HEMK2: variants seen among roughly 807,000 people sequenced by gnomAD.
HEMK2 encodes HemK methyltransferase 2, ETF1 glutamine and histone H4 lysine, also known as methyltransferase HEMK2.
At chr21:28,771,188 T>C in the HEMK2 span, among the ~76,000 whole-genome samples, 1 of 152,178 alleles carries the variant, frequency 6.6e-6, no homozygotes, top group Admixed American at 6.5e-5. Context: ...AAGCCAAGGT[T>C]TGAATCCCAG....
At chr21:28,870,272 A>G in the HEMK2 span, among the ~76,000 whole-genome samples, 1 of 152,200 alleles carries the variant, frequency 6.6e-6, no homozygotes, top group Non-Finnish European at 1.5e-5. Context: ...AGTTCCCCCC[A>G]ATTATTTGCA....
the HEMK2 span, among the ~76,000 whole-genome samples, chr21:28,799,264 C>G: frequency 6.6e-6 from 1 of 152,192 alleles, no homozygotes; most frequent in African/African-American, 2.4e-5. Flanking sequence ...GCATGTCTCA[C>G]ATGGTGGCAA....
the HEMK2 span, among the ~76,000 whole-genome samples, chr21:28,631,356 T>G: frequency 6.6e-6 from 1 of 152,238 alleles, no homozygotes; most frequent in East Asian, 1.9e-4. Context: ...TGTAAAAGTT[T>G]TTCTACTTCC....
At chr21:28,598,796 A>T in the HEMK2 span, among the ~76,000 whole-genome samples, 1,737 of 152,336 alleles carry the variant, frequency 0.011, 37 homozygotes, top group African/African-American at 0.04. Flanking sequence ...TCTCAATCGC[A>T]GGACAGTAAG....
At chr21:28,732,555 G>A in the HEMK2 span, among the ~76,000 whole-genome samples, 5 of 152,168 alleles carry the variant, frequency 3.3e-5, no homozygotes, top group Admixed American at 1.3e-4. Context: ...TCTCTGGGAC[G>A]CAGTTCACTA....
chr21:28,625,535 C>T, the HEMK2 span, among the ~76,000 whole-genome samples: 2 of 152,072 alleles, frequency 1.3e-5, no homozygotes, highest in Non-Finnish European at 2.9e-5. Context: ...GCCTGACCAA[C>T]ATGGTGAAAC....
the HEMK2 span, among the ~76,000 whole-genome samples, chr21:28,851,290 C>T: frequency 6.6e-6 from 1 of 152,158 alleles, no homozygotes; most frequent in Non-Finnish European, 1.5e-5. Context: ...CCTCAAGCAC[C>T]ATTGGATCTG....
the HEMK2 span, among the ~76,000 whole-genome samples, chr21:28,863,468 A>ATATATC: frequency 2.5e-5 from 2 of 79,606 alleles, no homozygotes; most frequent in African/African-American, 8.0e-5. Flanking sequence ...ATATATATAT[A>ATATATC]TACTTCATTA....
the HEMK2 span, among the ~76,000 whole-genome samples, chr21:28,670,123 A>C: frequency 6.6e-6 from 1 of 152,148 alleles, no homozygotes; most frequent in African/African-American, 2.4e-5. Flanking sequence ...ATTGTTGTAC[A>C]GAATCCAGCA....
chr21:28,763,661 G>A, the HEMK2 span, among the ~76,000 whole-genome samples: 2 of 152,106 alleles, frequency 1.3e-5, no homozygotes, highest in Non-Finnish European at 2.9e-5. Flanking sequence ...AAGCCTAAGT[G>A]ATGGAGGTGT....
chr21:28,720,633 T>C, the HEMK2 span, among the ~76,000 whole-genome samples: 1 of 152,124 alleles, frequency 6.6e-6, no homozygotes, highest in Non-Finnish European at 1.5e-5. Flanking sequence ...CTCAGGAGGC[T>C]GAGGCAGGAG....
the HEMK2 span, among the ~76,000 whole-genome samples, chr21:28,685,049 A>G: frequency 6.6e-6 from 1 of 152,240 alleles, no homozygotes; most frequent in East Asian, 1.9e-4. Flanking sequence ...GGAGAATGAG[A>G]GAGTTGGGAG....
chr21:28,606,459 C>A, the HEMK2 span, among the ~76,000 whole-genome samples: 32 of 152,288 alleles, frequency 2.1e-4, no homozygotes, highest in East Asian at 6.2e-3. Flanking sequence ...GGTCATCTCA[C>A]TCCCATTATT....
the HEMK2 span, among the ~76,000 whole-genome samples, chr21:28,679,865 A>C: frequency 6.6e-6 from 1 of 152,150 alleles, no homozygotes; most frequent in Admixed American, 6.5e-5. Context: ...GAACAAAGAC[A>C]CAACATACCA....
At chr21:28,842,947 C>CA in the HEMK2 span, among the ~76,000 whole-genome samples, 2 of 152,098 alleles carry the variant, frequency 1.3e-5, no homozygotes, top group Non-Finnish European at 2.9e-5. Flanking sequence ...GAGATAGCAT[C>CA]AAATTACTGG....
At chr21:28,596,296 G>T in the HEMK2 span, among the ~76,000 whole-genome samples, 1 of 152,094 alleles carries the variant, frequency 6.6e-6, no homozygotes, top group Admixed American at 6.6e-5. Flanking sequence ...GGGATTACAG[G>T]TGTAAGCCAC....
the HEMK2 span, among the ~76,000 whole-genome samples, chr21:28,660,967 AT>A: frequency 1.1e-4 from 16 of 151,952 alleles, no homozygotes; most frequent in African/African-American, 3.9e-4. Flanking sequence ...AGTTTGGTAA[AT>A]TTTTTTCTAG....
chr21:28,855,243 C>A, the HEMK2 span, among the ~76,000 whole-genome samples: 2 of 151,674 alleles, frequency 1.3e-5, no homozygotes, highest in African/African-American at 4.8e-5. Context: ...TTTAAACCAA[C>A]AACATTCGAA....
At chr21:28,699,554 T>C in the HEMK2 span, among the ~76,000 whole-genome samples, 1 of 152,232 alleles carries the variant, frequency 6.6e-6, no homozygotes, top group African/African-American at 2.4e-5. Flanking sequence ...TTTTAAAGTA[T>C]CATTGGCATT....
Sources: gnomAD v4.1 joint callset for allele counts (sites outside exome capture counted in the v4.1 genomes callset) on GRCh38, gnomAD v4.1.1 for gene constraint, MANE v1.5 for transcripts, NCBI Gene and HGNC (gene_info 2026-07-23, HGNC 2026-07-21) for gene names.